Variants in ADAMTSL1 observed in about 807,000 individuals in gnomAD.
The protein encoded by ADAMTSL1 is ADAMTS-like protein 1.
A neutral mutation model predicts 201.8 loss-of-function variants in ADAMTSL1; 126 were observed. The ratio of observed to expected loss-of-function variants is 0.62; its 90% CI spans 0.54 to 0.72. The LOEUF (loss-of-function observed/expected upper bound fraction) is 0.72, where lower values mean the gene tolerates loss of function less well. Ranked by LOEUF, ADAMTSL1 falls within the 30% of genes least tolerant of loss-of-function variation. The pLI, the probability that ADAMTSL1 is intolerant of heterozygous loss-of-function variation, is 0.00. For synonymous variants in ADAMTSL1, 1,121 were observed against 903.4 expected, an observed-to-expected ratio of 1.24 and a Z score of -4.32; for missense variants, 2,679 against 2,277.8, an observed-to-expected ratio of 1.18 and a Z score of -3.59.
At chr9:18,893,447 C>G (rs763930050) in intron 26 of ADAMTSL1, among the ~76,000 whole-genome samples, 1 of 152,166 alleles carries the variant, frequency 6.6e-6, no homozygotes, top group East Asian at 1.9e-4. Context: ...AAAAAATTCA[C>G]CCCCTCCTCC....
At chr9:18,141,599 C>T (rs535122017) in intron 1 of ADAMTSL1, among the ~76,000 whole-genome samples, 1 of 152,322 alleles carries the variant, frequency 6.6e-6, no homozygotes, top group East Asian at 1.9e-4. Context: ...GCCAGCACTT[C>T]TTCCAAGTAG....
chr9:17,951,510 C>T (rs1827726433), intron 1 of ADAMTSL1, among the ~76,000 whole-genome samples: 2 of 152,070 alleles, frequency 1.3e-5, no homozygotes, highest in Non-Finnish European at 2.9e-5. Context: ...TAAATTGTAT[C>T]ACAGCATGGT....
intron 11 of ADAMTSL1, 112 bp from the exon 12 acceptor site, chr9:18,681,700 G>GCGGGC: frequency 1.5e-6 from 1 of 673,508 alleles, no homozygotes; most frequent in South Asian, 3.4e-5. Context: ...CCTCGTGTGG[G>GCGGGC]GGGGGGGGGC....
intron 16 of ADAMTSL1, among the ~76,000 whole-genome samples, chr9:18,765,863 C>G (rs1820327482): frequency 6.6e-6 from 1 of 152,154 alleles, no homozygotes. Context: ...GTGATAGAGA[C>G]TGCTTTGACT....
chr9:18,060,774 C>A (rs1822413719), intron 1 of ADAMTSL1, among the ~76,000 whole-genome samples: 2 of 152,126 alleles, frequency 1.3e-5, no homozygotes, highest in Non-Finnish European at 2.9e-5. Flanking sequence ...TATGCTTCAT[C>A]ACAATTTTAT....
At chr9:18,723,427 G>A (rs1587987018) in intron 15 of ADAMTSL1, 1 of 341,484 alleles carries the variant, frequency 2.9e-6, no homozygotes, top group East Asian at 6.7e-5. Context: ...GGGACTCGTG[G>A]TCCCTAAACC....
At chr9:18,334,958 A>G (rs1835169432) in intron 2 of ADAMTSL1, among the ~76,000 whole-genome samples, 1 of 152,174 alleles carries the variant, frequency 6.6e-6, no homozygotes, top group South Asian at 2.1e-4. Context: ...ATTAACCAAG[A>G]CAGAGCCTCA....
chr9:18,065,209 A>C (rs1822640397), intron 1 of ADAMTSL1, among the ~76,000 whole-genome samples: 1 of 152,110 alleles, frequency 6.6e-6, no homozygotes. Context: ...TCTTACCCAG[A>C]GGGACAGATT....
chr9:18,694,532 C>A (rs1189991569), intron 13 of ADAMTSL1, among the ~76,000 whole-genome samples: 1 of 152,158 alleles, frequency 6.6e-6, no homozygotes, highest in African/African-American at 2.4e-5. Flanking sequence ...GGGTTACAGA[C>A]CCCGTGCAAG....
intron 3 of ADAMTSL1, among the ~76,000 whole-genome samples, chr9:18,554,421 G>T (rs1390738837): frequency 6.6e-6 from 1 of 151,606 alleles, no homozygotes; most frequent in Non-Finnish European, 1.5e-5. Context: ...CTTGTAATCT[G>T]GTTTACGATG....
intron 6 of ADAMTSL1, among the ~76,000 whole-genome samples, chr9:18,638,519 C>A (rs12352788): frequency 0.084 from 12,829 of 152,080 alleles, 691 homozygotes; most frequent in Admixed American, 0.13. Context: ...TAATTACCAT[C>A]ATCCCCAGCA....
intron 6 of ADAMTSL1, among the ~76,000 whole-genome samples, chr9:18,637,127 G>C (rs191760822): frequency 2.6e-4 from 40 of 152,218 alleles, no homozygotes; most frequent in Admixed American, 1.2e-3. Context: ...AAAAGAATAA[G>C]TAAGGTACAG....
chr9:18,798,126 A>C (rs1390409309), intron 20 of ADAMTSL1, among the ~76,000 whole-genome samples: 1 of 152,192 alleles, frequency 6.6e-6, no homozygotes, highest in Non-Finnish European at 1.5e-5. Context: ...GCCTCAAGAT[A>C]ATCAAGTGTC....
chr9:18,566,572 A>G (rs149838458), intron 3 of ADAMTSL1, among the ~76,000 whole-genome samples: 1 of 152,328 alleles, frequency 6.6e-6, no homozygotes, highest in African/African-American at 2.4e-5. Context: ...AAGACTTGAT[A>G]AAGGTGAGGT....
intron 1 of ADAMTSL1, among the ~76,000 whole-genome samples, chr9:17,936,989 A>C (rs1487045150): frequency 1.3e-5 from 2 of 152,086 alleles, no homozygotes; most frequent in Non-Finnish European, 2.9e-5. Context: ...TGCAGGATGC[A>C]GCATGGTGGG....
At position 18,826,405 on chromosome 9, in the gene ADAMTSL1, C is replaced by T; in HGVS notation, c.4056C>T (p.Ser1352=). The T allele has an allele frequency of 6.2e-7, 1 of 1,613,858 alleles. No individual in the cohort carries two copies. Among genetic ancestry groups the T allele is most frequent in the African/African-American group, 1.3e-5 (1 of 75,040 alleles). The change falls in exon 22 of 29, where the codon TCC becomes TCT. Residue 1352 remains serine, a synonymous_variant. Coordinates refer to ENST00000380548, the MANE Select transcript of ADAMTSL1 (RefSeq NM_001040272.6). The part of the protein sequence containing the change: ...NVSSSDQGLY[S]CRAANLHGEL... Reference sequence around the variant, plus strand: ...CCTCCTCGGATCAGGGCCTGTACTCCTGCAGGGCGGCCAATCTTCATGGAG... The same window carrying T: ...CCTCCTCGGATCAGGGCCTGTACTCTTGCAGGGCGGCCAATCTTCATGGAG...
chr9:18,547,822 T>A (rs1820564111), intron 3 of ADAMTSL1, among the ~76,000 whole-genome samples: 1 of 151,740 alleles, frequency 6.6e-6, no homozygotes, highest in South Asian at 2.1e-4. Context: ...ACCCAAAATT[T>A]TAGTACAGTA....
chr9:18,277,125 ATCT>A (rs1389469336), intron 2 of ADAMTSL1, among the ~76,000 whole-genome samples: 1 of 152,162 alleles, frequency 6.6e-6, no homozygotes, highest in Admixed American at 6.5e-5. Flanking sequence ...TATGATTTTC[ATCT>A]TCTTACATTT....
chr9:18,689,427 G>C (rs1167133233), intron 13 of ADAMTSL1, among the ~76,000 whole-genome samples: 1 of 152,044 alleles, frequency 6.6e-6, no homozygotes, highest in Admixed American at 6.5e-5. Context: ...CTTGGGACAG[G>C]AAGGAAATTG....
Sources: gnomAD v4.1 joint callset for allele counts (sites outside exome capture counted in the v4.1 genomes callset) on GRCh38, gnomAD v4.1.1 for gene constraint, MANE v1.5 for transcripts, NCBI Gene and HGNC (gene_info 2026-07-23, HGNC 2026-07-21) for gene names.